RHNO1: variants seen among roughly 807,000 people sequenced by gnomAD.
RHNO1 encodes RAD9, HUS1, RAD1-interacting nuclear orphan protein 1.
In RHNO1, 9 loss-of-function variants were observed where a neutral mutation model predicts 7.2. The ratio of observed to expected loss-of-function variants is 1.25; its 90% CI spans 0.75 to 2.18. The LOEUF is 2.18. Among genes scored for constraint, RHNO1 ranks in the 30% most tolerant of loss-of-function variants. RHNO1 has a pLI of 0.00. For synonymous variants in RHNO1, 95 were observed against 107.5 expected (o/e 0.88, Z 0.72); for missense variants, 292 against 284.5 (o/e 1.03, Z -0.19).
At chr12:2,887,882 G>T in intron 2 of RHNO1, 29 bp from the exon 3 acceptor site, 1 of 1,508,728 alleles carries the variant, frequency 6.6e-7, no homozygotes, top group Non-Finnish European at 8.9e-7. Flanking sequence ...ACTTAGTTAG[G>T]CTCACCTCAC....
intron 1 of RHNO1, among the ~76,000 whole-genome samples, chr12:2,884,305 C>T (rs1420067391): frequency 1.3e-5 from 2 of 152,186 alleles, no homozygotes; most frequent in African/African-American, 4.8e-5. Flanking sequence ...GCAATCTCAG[C>T]TCATTGCAAC....
At chr12:2,879,683 G>C (rs2098154950) in intron 1 of RHNO1, among the ~76,000 whole-genome samples, 1 of 151,584 alleles carries the variant, frequency 6.6e-6, no homozygotes, top group Non-Finnish European at 1.5e-5. Context: ...TTGCTGTTCA[G>C]GTAGGTAATG....
Position 2,888,285 on chromosome 12 carries a change from C to T in RHNO1, c.543C>T (p.Ser181=). The stretch of plus-strand genomic sequence containing the variant: ...ATCAGAAGGAAAACAGCCTTCTAAG[C>T]TGCACTCTTCACACTGGCACTCCTA... ...PQDQKENSLL[S]CTLHTGTPNS... is the part of the protein sequence containing the mutation. The change falls in exon 3 of 3, where the codon AGC becomes AGT. Residue 181 remains serine, a synonymous_variant. Transcript: ENST00000489288. The T allele has an allele frequency of 3.7e-6, 6 of 1,614,118 alleles. No individual in the cohort carries two copies. Among genetic ancestry groups the T allele is most frequent in the Non-Finnish European group, 4.2e-6 (5 of 1,180,028 alleles).
intron 1 of RHNO1, among the ~76,000 whole-genome samples, chr12:2,882,282 A>C (rs1324252866): frequency 1.3e-5 from 1 of 75,694 alleles, no homozygotes; most frequent in Non-Finnish European, 2.1e-5. Flanking sequence ...TCTCTACAAT[A>C]AATAAATAAA....
chr12:2,886,251 A>T (rs941524430), intron 2 of RHNO1: 8 of 152,242 alleles, frequency 5.3e-5, no homozygotes, highest in Non-Finnish European at 1.2e-4. Flanking sequence ...TTCATGTGAA[A>T]GGTGGAGTAC....
chr12:2,886,484 T>G (rs1345895484), intron 2 of RHNO1, among the ~76,000 whole-genome samples: 1 of 151,362 alleles, frequency 6.6e-6, no homozygotes, highest in Non-Finnish European at 1.5e-5. Context: ...AACCCCATCT[T>G]TACTAAAAAT....
chr12:2,883,511 ATTTTTTTTTTTT>A (rs869192550), intron 1 of RHNO1, among the ~76,000 whole-genome samples: 1 of 26,826 alleles, frequency 3.7e-5, no homozygotes, highest in Non-Finnish European at 6.4e-5. Context: ...ATATATATAT[ATTTTTTTTTTTT>A]TTTTTTTTTT....
intron 2 of RHNO1, chr12:2,886,917 A>T (rs888921931): frequency 4.4e-5 from 20 of 454,292 alleles, no homozygotes; most frequent in Non-Finnish European, 7.5e-5. Flanking sequence ...GTCCTCTGCT[A>T]GTTCTCACCC....
intron 1 of RHNO1, among the ~76,000 whole-genome samples, chr12:2,881,603 GT>G (rs992103104): frequency 1.3e-5 from 2 of 151,954 alleles, no homozygotes; most frequent in Non-Finnish European, 2.9e-5. Flanking sequence ...TAAGATGTTA[GT>G]TCCTTAAGAA....
chr12:2,883,395 A>C (rs1335513376), intron 1 of RHNO1, among the ~76,000 whole-genome samples: 2 of 147,124 alleles, frequency 1.4e-5, no homozygotes, highest in Non-Finnish European at 3.0e-5. Context: ...AAAAAAAGAA[A>C]ATGGGAACAC....
At position 2,888,298 on chromosome 12, in the gene RHNO1, A is replaced by AC; in HGVS notation, c.557dup (p.Gly187TrpfsTer4). 1 of 1,614,106 alleles carries AC rather than the reference A, an allele frequency of 6.2e-7. No homozygotes were observed. Among genetic ancestry groups the AC allele is most frequent in the Non-Finnish European group, 8.5e-7 (1 of 1,180,026 alleles). The stretch of plus-strand genomic sequence containing the variant: ...CAGCCTTCTAAGCTGCACTCTTCAC[A>AC]CTGGCACTCCTAATAGCCCAGAGCC... On this transcript the variant is annotated frameshift_variant, in exon 3 of 3. Coordinates refer to ENST00000489288, the MANE Select transcript of RHNO1 (RefSeq NM_001252499.3). LOFTEE classifies it high-confidence loss of function.
intron 1 of RHNO1, among the ~76,000 whole-genome samples, chr12:2,881,176 C>T (rs1200658319): frequency 1.3e-5 from 2 of 152,058 alleles, no homozygotes; most frequent in Non-Finnish European, 2.9e-5. Flanking sequence ...GATCTCGGCT[C>T]ACTGCAACCT....
chr12:2,887,360 C>A (rs962728551), intron 2 of RHNO1, among the ~76,000 whole-genome samples: 5 of 151,866 alleles, frequency 3.3e-5, no homozygotes, highest in African/African-American at 1.2e-4. Flanking sequence ...CACCTATATT[C>A]CCAGCTACAC....
intron 1 of RHNO1, among the ~76,000 whole-genome samples, chr12:2,881,921 G>GA (rs1021557777): frequency 2.0e-5 from 3 of 149,678 alleles, no homozygotes; most frequent in East Asian, 1.9e-4. Context: ...AAAAAAGAAA[G>GA]AAAAAAAGAG....
At chr12:2,885,173 T>C in intron 1 of RHNO1, 110 bp from the exon 2 acceptor site, 1 of 549,082 alleles carries the variant, frequency 1.8e-6, no homozygotes. Flanking sequence ...TATAGGAGGC[T>C]GTGCTCCCCA....
chr12:2,877,188 G>A (rs1032993818), upstream of RHNO1: 1 of 152,258 alleles, frequency 6.6e-6, no homozygotes, highest in Non-Finnish European at 1.5e-5. Context: ...GTCACGTGAC[G>A]GAACGTCGCC....
chr12:2,882,281 T>C (rs1257675189), intron 1 of RHNO1, among the ~76,000 whole-genome samples: 3 of 75,236 alleles, frequency 4.0e-5, no homozygotes, highest in Non-Finnish European at 6.3e-5. Context: ...GTCTCTACAA[T>C]AAATAAATAA....
At chr12:2,883,861 G>A (rs1259302464) in intron 1 of RHNO1, among the ~76,000 whole-genome samples, 2 of 151,924 alleles carry the variant, frequency 1.3e-5, no homozygotes, top group African/African-American at 2.4e-5. Context: ...GAAGTGGCTA[G>A]GGGTGTAGAT....
chr12:2,888,413 G>C lies in RHNO1; in HGVS notation c.671G>C (p.Arg224Thr), dbSNP rs757331711. Reference sequence around the variant, plus strand: ...CGACAGCACCTGCTTGCTTACCTCAGGGAGAGAGGGAAGCTGAGCAGAAGC... The same window carrying C: ...CGACAGCACCTGCTTGCTTACCTCACGGAGAGAGGGAAGCTGAGCAGAAGC... ...RRRQHLLAYL[R>T]ERGKLSRSQF... is the part of the protein sequence containing the mutation. The change falls in exon 3 of 3, where the codon AGG (arginine) becomes ACG (threonine). Residue 224 changes from arginine (R) to threonine (T), a missense_variant. By Grantham distance (71) the Arg-to-Thr change is moderately conservative (BLOSUM62 -1). Transcript: ENST00000489288. 1 of 1,607,218 alleles carries C rather than the reference G, an allele frequency of 6.2e-7. No individual in the cohort carries two copies. Among genetic ancestry groups the C allele is most frequent in the Non-Finnish European group, 8.5e-7 (1 of 1,177,454 alleles).
Sources: allele counts gnomAD v4.1 joint callset (sites outside exome capture counted in the v4.1 genomes callset), GRCh38; gene constraint gnomAD v4.1.1; transcripts MANE v1.5; gene names NCBI Gene and HGNC (gene_info 2026-07-23, HGNC 2026-07-21).